ST7: variants seen among roughly 807,000 people sequenced by gnomAD.
The protein encoded by ST7 is suppression of tumorigenicity 7.
A neutral mutation model predicts 78.7 loss-of-function variants in ST7; 28 were observed. That is an observed-to-expected ratio of 0.36 (90% CI 0.26 to 0.49). ST7 has a LOEUF of 0.49. Among genes scored for constraint, ST7 ranks in the 20% least tolerant of loss-of-function variants. ST7 has a pLI of 0.99. For missense variants in ST7, 418 were observed against 696.0 expected (o/e 0.60, Z 4.49); for synonymous variants, 247 against 249.6 (o/e 0.99, Z 0.10).
At chr7:117,038,182 A>G (rs980334079) in intron 1 of ST7, among the ~76,000 whole-genome samples, 2 of 152,230 alleles carry the variant, frequency 1.3e-5, no homozygotes, top group African/African-American at 4.8e-5. Flanking sequence ...GGTTTGTGAC[A>G]GTTCCTACTG....
At chr7:116,994,474 G>A (rs558796837) in intron 1 of ST7, among the ~76,000 whole-genome samples, 9 of 152,088 alleles carry the variant, frequency 5.9e-5, no homozygotes, top group Non-Finnish European at 1.2e-4. Flanking sequence ...TTAACTGACC[G>A]GTGATTTTTA....
At chr7:116,973,260 T>C (rs991608365) in intron 1 of ST7, among the ~76,000 whole-genome samples, 24 of 152,032 alleles carry the variant, frequency 1.6e-4, no homozygotes, top group Admixed American at 1.5e-3. Context: ...TCTCTCTCTT[T>C]ATTGATTGGT....
chr7:117,089,840 G>T (rs1441526028), intron 1 of ST7, among the ~76,000 whole-genome samples: 1 of 152,060 alleles, frequency 6.6e-6, no homozygotes, highest in African/African-American at 2.4e-5. Flanking sequence ...AAAGTGCTGG[G>T]ATTACAGGCA....
intron 13 of ST7, among the ~76,000 whole-genome samples, chr7:117,212,175 G>C (rs1792558353): frequency 1.3e-5 from 2 of 152,192 alleles, no homozygotes; most frequent in Non-Finnish European, 1.5e-5. Flanking sequence ...ACCTTGAAGA[G>C]TGTTTGTTTA....
At chr7:117,058,879 C>T (rs890308848) in intron 1 of ST7, among the ~76,000 whole-genome samples, 3 of 152,084 alleles carry the variant, frequency 2.0e-5, no homozygotes, top group Non-Finnish European at 4.4e-5. Context: ...AGAATGAGAG[C>T]CTGTGATTTG....
At chr7:117,100,385 A>G (rs1360237475) in intron 2 of ST7, among the ~76,000 whole-genome samples, 2 of 152,056 alleles carry the variant, frequency 1.3e-5, no homozygotes, top group Non-Finnish European at 2.9e-5. Flanking sequence ...TGAGGCAGGA[A>G]AATGGGTTGA....
chr7:117,038,638 A>T (rs1797029739), intron 1 of ST7, among the ~76,000 whole-genome samples: 1 of 152,236 alleles, frequency 6.6e-6, no homozygotes, highest in African/African-American at 2.4e-5. Flanking sequence ...AGTGCTCCAC[A>T]TATAGTAAGT....
At chr7:116,955,613 T>G in intron 1 of ST7, among the ~76,000 whole-genome samples, 1 of 152,242 alleles carries the variant, frequency 6.6e-6, no homozygotes, top group African/African-American at 2.4e-5. Flanking sequence ...TTCTCCTTAT[T>G]ACACACTTAA....
chr7:117,176,034 A>T (rs1328671664), intron 10 of ST7, among the ~76,000 whole-genome samples: 1 of 152,222 alleles, frequency 6.6e-6, no homozygotes, highest in Non-Finnish European at 1.5e-5. Context: ...AGCTGAAAAA[A>T]GACATGCCAG....
chr7:117,142,602 G>A (rs1229262172), intron 9 of ST7, among the ~76,000 whole-genome samples: 3 of 151,708 alleles, frequency 2.0e-5, no homozygotes, highest in Non-Finnish European at 2.9e-5. Context: ...GGCTGACATT[G>A]GGTGTTTTTT....
chr7:117,205,893 A>G lies in ST7; in HGVS notation c.1255-3894A>G, dbSNP rs544854660. ...AGAACCAAGCCATTATTATAGATGGACAAAGCGTGTTCTTTGATTTGTGAG... is the reference window on the plus strand; with the variant it reads ...AGAACCAAGCCATTATTATAGATGGGCAAAGCGTGTTCTTTGATTTGTGAG... On this transcript the variant is annotated intron_variant, in intron 12 of 15. Transcript: ENST00000323984. Among the ~76,000 whole-genome samples the G allele has an allele frequency of 3.9e-5, 6 of 152,366 alleles. No individual in the cohort carries two copies. In the East Asian group the frequency reaches 1.2e-3, roughly 29 times the overall value.
chr7:117,047,801 A>G (rs1022044892), intron 1 of ST7, among the ~76,000 whole-genome samples: 1 of 152,222 alleles, frequency 6.6e-6, no homozygotes, highest in African/African-American at 2.4e-5. Context: ...CGAATGCAGA[A>G]GTAAACAATG....
At chr7:117,113,725 A>C (rs1354154568) in intron 2 of ST7, among the ~76,000 whole-genome samples, 1 of 152,220 alleles carries the variant, frequency 6.6e-6, no homozygotes, top group African/African-American at 2.4e-5. Flanking sequence ...TGAATGAATG[A>C]AACTGACTGC....
chr7:116,995,294 G>A (rs777441431), intron 1 of ST7, among the ~76,000 whole-genome samples: 1 of 152,122 alleles, frequency 6.6e-6, no homozygotes, highest in Non-Finnish European at 1.5e-5. Flanking sequence ...GACAAATGAG[G>A]AATAGTAACC....
At chr7:117,097,908 A>ATATATATATATATATTTTT in intron 1 of ST7, among the ~76,000 whole-genome samples, 2 of 30,010 alleles carry the variant, frequency 6.7e-5, no homozygotes, top group African/African-American at 3.2e-4. Context: ...ATATATATAT[A>ATATATATATATATATTTTT]TTTTTTTTTT....
chr7:117,102,440 A>T (rs1801632814), intron 2 of ST7, among the ~76,000 whole-genome samples: 1 of 152,156 alleles, frequency 6.6e-6, no homozygotes, highest in Admixed American at 6.6e-5. Flanking sequence ...AATCTAGGGG[A>T]TTGAGGGCAG....
chr7:116,996,426 A>G (rs1416565655), intron 1 of ST7, among the ~76,000 whole-genome samples: 2 of 152,192 alleles, frequency 1.3e-5, no homozygotes, highest in Admixed American at 6.5e-5. Flanking sequence ...ATGTGTGGGA[A>G]TGCACTCTGG....
At chr7:117,167,486 G>A (rs1449165597) in intron 9 of ST7, among the ~76,000 whole-genome samples, 3 of 151,980 alleles carry the variant, frequency 2.0e-5, no homozygotes, top group African/African-American at 7.2e-5. Flanking sequence ...GTTGGCCTGG[G>A]AAGGGGGAAA....
chr7:117,138,414 G>GTTTTTTTTT (rs1584446652), intron 8 of ST7, 21 bp from the exon 9 acceptor site: 1 of 1,499,966 alleles, frequency 6.7e-7, no homozygotes. Flanking sequence ...AAATGTTGGT[G>GTTTTTTTTT]TTTTATATCT....
Sources: allele counts gnomAD v4.1 joint callset (sites outside exome capture counted in the v4.1 genomes callset), GRCh38; gene constraint gnomAD v4.1.1; transcripts MANE v1.5; gene names NCBI Gene and HGNC (gene_info 2026-07-23, HGNC 2026-07-21).